KIF18A: variants seen among roughly 807,000 people sequenced by gnomAD.
KIF18A encodes kinesin family member 18A, also known as kinesin-like protein KIF18A.
A neutral mutation model predicts 103.3 loss-of-function variants in KIF18A; 67 were observed. The observed-to-expected ratio is 0.65, with a 90% CI of 0.53 to 0.79. The LOEUF is 0.79. Among genes scored for constraint, KIF18A ranks in the 30% least tolerant of loss-of-function variants. KIF18A has a pLI of 0.00. For synonymous variants in KIF18A, 367 were observed against 355.5 expected (o/e 1.03, Z -0.36); for missense variants, 1,032 against 1,062.5 (o/e 0.97, Z 0.40).
chr11:28,063,685 A>G (rs1033409605), intron 11 of KIF18A, among the ~76,000 whole-genome samples: 1 of 151,956 alleles, frequency 6.6e-6, no homozygotes, highest in African/African-American at 2.4e-5. Flanking sequence ...ATTTCAAACA[A>G]TACAATGAAA....
At position 28,084,496 on chromosome 11, in the gene KIF18A, T is replaced by C. The variant is rs1054583982; in HGVS notation, c.1074+136A>G. The C allele has an allele frequency of 7.6e-6, 4 of 523,482 alleles. No homozygotes were observed. The South Asian group carries it at 1.3e-4, about 17-fold the overall frequency. 32.4% of individuals were successfully genotyped at this position (523,482 alleles called of 1,614,324 possible). On this transcript the variant is annotated intron_variant, in intron 7 of 16. Transcript: ENST00000263181. ...CTAAATTAATGTTCGACTAAGCAGG[T>C]TAGCAAAGACCCTTCTAACCCTCAG...
intron 13 of KIF18A, among the ~76,000 whole-genome samples, chr11:28,043,373 A>G (rs989361552): frequency 4.6e-5 from 7 of 151,910 alleles, no homozygotes; most frequent in African/African-American, 1.5e-4. Context: ...ATTTTACAGG[A>G]AAAAACATAA....
At chr11:28,054,006 A>G (rs1427627003) in intron 13 of KIF18A, among the ~76,000 whole-genome samples, 1 of 151,788 alleles carries the variant, frequency 6.6e-6, no homozygotes, top group Admixed American at 6.6e-5. Flanking sequence ...TTGGCAATAT[A>G]TATTTCAAAT....
intron 10 of KIF18A, 60 bp from the exon 11 acceptor site, chr11:28,069,483 T>C: frequency 6.9e-7 from 1 of 1,444,154 alleles, no homozygotes. Context: ...GTACATGATA[T>C]TAGTAAACTA....
chr11:28,036,694 A>G, intron 13 of KIF18A, 30 bp from the exon 14 acceptor site: 1 of 1,387,738 alleles, frequency 7.2e-7, no homozygotes, highest in Non-Finnish European at 9.8e-7. Context: ...AAGACACTCG[A>G]TAATGTTTCC....
Position 28,058,925 on chromosome 11 carries a change from C to T in KIF18A, c.1948+1G>A. On this transcript the variant is annotated splice_donor_variant, in intron 13 of 16. Transcript: ENST00000263181. LOFTEE classifies it high-confidence loss of function. ...TTACTTAAAACGAAAGTTATACTTA[C>T]AACAAGGAATAGGCTGAACTGGTCC... The T allele has an allele frequency of 6.2e-7, 1 of 1,610,882 alleles. No individual in the cohort carries two copies. Among genetic ancestry groups the T allele is most frequent in the Non-Finnish European group, 8.5e-7 (1 of 1,177,650 alleles).
At chr11:28,037,359 C>CA (rs1440617319) in intron 13 of KIF18A, among the ~76,000 whole-genome samples, 1 of 151,214 alleles carries the variant, frequency 6.6e-6, no homozygotes, top group Non-Finnish European at 1.5e-5. Context: ...AAAATATTCA[C>CA]AAAACAAACA....
At chr11:28,066,539 T>C (rs1483825825) in intron 11 of KIF18A, among the ~76,000 whole-genome samples, 1 of 151,880 alleles carries the variant, frequency 6.6e-6, no homozygotes, top group Non-Finnish European at 1.5e-5. Flanking sequence ...TGAGTCATTA[T>C]ATCATCTTAA....
At chr11:28,044,112 T>C (rs1456555585) in intron 13 of KIF18A, among the ~76,000 whole-genome samples, 3 of 151,934 alleles carry the variant, frequency 2.0e-5, no homozygotes, top group Non-Finnish European at 4.4e-5. Context: ...CCCATTACCA[T>C]CACCTACATT....
chr11:28,098,026 T>C, intron 1 of KIF18A, 33 bp from the exon 2 acceptor site: 1 of 1,148,824 alleles, frequency 8.7e-7, no homozygotes, highest in Non-Finnish European at 1.2e-6. Context: ...AGTTTTAATA[T>C]CAGTTTTTAC....
intron 6 of KIF18A, among the ~76,000 whole-genome samples, chr11:28,085,559 T>C (rs1214155628): frequency 2.0e-5 from 3 of 152,208 alleles, no homozygotes; most frequent in East Asian, 3.9e-4. Context: ...CTCTCTGTTA[T>C]CGGCTACCTA....
chr11:28,044,350 TA>T (rs918831192), intron 13 of KIF18A, among the ~76,000 whole-genome samples: 9 of 152,064 alleles, frequency 5.9e-5, no homozygotes, highest in African/African-American at 2.2e-4. Flanking sequence ...AACATAAAAA[TA>T]AAAAAGATGG....
At chr11:28,046,308 A>G (rs1466475339) in intron 13 of KIF18A, among the ~76,000 whole-genome samples, 1 of 149,736 alleles carries the variant, frequency 6.7e-6, no homozygotes, top group African/African-American at 2.5e-5. Context: ...AATGTCCAAC[A>G]ATGATAGACT....
At chr11:28,059,822 T>C (rs1169556508) in intron 12 of KIF18A, among the ~76,000 whole-genome samples, 2 of 152,064 alleles carry the variant, frequency 1.3e-5, no homozygotes, top group Admixed American at 1.3e-4. Context: ...TATCATAAAA[T>C]TGAAATGAAA....
chr11:28,101,241 A>C (rs566781606), intron 1 of KIF18A, among the ~76,000 whole-genome samples: 1 of 152,264 alleles, frequency 6.6e-6, no homozygotes, highest in South Asian at 2.1e-4. Flanking sequence ...ATTCCTTGTG[A>C]TAACAAAAAC....
intron 9 of KIF18A, among the ~76,000 whole-genome samples, chr11:28,081,631 G>A (rs1344594450): frequency 1.3e-5 from 2 of 152,160 alleles, no homozygotes; most frequent in Admixed American, 6.5e-5. Flanking sequence ...AGTTCTCATG[G>A]AGATGGACGA....
In KIF18A at chr11:28,036,420, A is replaced by G; in HGVS notation, c.2193T>C (p.Ser731=). Residue 731 remains serine, a synonymous_variant, in exon 14 of 17, where the codon AGT becomes AGC. Coordinates refer to ENST00000263181, the MANE Select transcript of KIF18A (RefSeq NM_031217.4). ...TTATGTTTGAGCTGATAGCCTGAAA[A>G]CTTGTAGTAAATGATGATGGTTTCA... The part of the protein sequence containing the change: ...TLMKPSSFTT[S]FQAISSNINS... 5 of 1,611,132 alleles carry G rather than the reference A, an allele frequency of 3.1e-6. No individual in the cohort carries two copies. Among genetic ancestry groups the G allele is most frequent in the Non-Finnish European group, 2.5e-6 (3 of 1,178,152 alleles).
chr11:28,052,277 A>G (rs1401811552), intron 13 of KIF18A, among the ~76,000 whole-genome samples: 4 of 152,088 alleles, frequency 2.6e-5, no homozygotes, highest in East Asian at 1.9e-4. Flanking sequence ...TGCTCAGACC[A>G]TGTCATGGCT....
Position 28,059,136 on chromosome 11 carries a change from G to A in KIF18A, c.1738C>T (p.Leu580=). ...TTTAATGTGCAATATTGTTTTCTTAGGGTTGGAAGTAAAGCATTCAATACT... is the reference window on the plus strand; with the variant it reads ...TTTAATGTGCAATATTGTTTTCTTAAGGTTGGAAGTAAAGCATTCAATACT... ...EAVLNALLPT[L]RKQYCTLKEA... Residue 580 remains leucine (L), a synonymous_variant, in exon 13 of 17, where the codon CTA becomes TTA. Coordinates refer to ENST00000263181, the MANE Select transcript of KIF18A (RefSeq NM_031217.4). 6.2e-7 allele frequency: 1 copy of A among 1,613,722 alleles called. No individual in the cohort carries two copies. The highest frequency in any genetic ancestry group is 8.5e-7 in the Non-Finnish European group (1 of 1,179,732).
Sources: allele counts gnomAD v4.1 joint callset (sites outside exome capture counted in the v4.1 genomes callset), GRCh38; gene constraint gnomAD v4.1.1; transcripts MANE v1.5; gene names NCBI Gene and HGNC (gene_info 2026-07-23, HGNC 2026-07-21).